CLUL1: variants seen among roughly 807,000 people sequenced by gnomAD.
CLUL1 encodes the protein clusterin like 1.
In CLUL1, 43 loss-of-function variants were observed where a neutral mutation model predicts 49.4. That is an observed-to-expected ratio of 0.87 (90% CI 0.68 to 1.12). The LOEUF (loss-of-function observed/expected upper bound fraction) is 1.12, where lower values mean the gene tolerates loss of function less well. Among genes scored for constraint, CLUL1 ranks in the 50% most tolerant of loss-of-function variants. The pLI is 0.00. For missense variants in CLUL1, 486 were observed against 544.4 expected (o/e 0.89, Z 1.07); for synonymous variants, 192 against 184.9 (o/e 1.04, Z -0.31).
chr18:631,913 G>T (rs546182819), intron 6 of CLUL1, among the ~76,000 whole-genome samples: 1 of 152,292 alleles, frequency 6.6e-6, no homozygotes, highest in South Asian at 2.1e-4. Context: ...ACAGGGCAAA[G>T]AAGAGGGTCC....
intron 4 of CLUL1, among the ~76,000 whole-genome samples, chr18:623,669 A>G (rs1245609643): frequency 2.3e-5 from 3 of 129,002 alleles, no homozygotes; most frequent in African/African-American, 8.3e-5. Flanking sequence ...AAAAAAAAAA[A>G]GATGTAAGAT....
chr18:627,878 C>T (rs930740964), intron 6 of CLUL1, among the ~76,000 whole-genome samples: 1 of 152,060 alleles, frequency 6.6e-6, no homozygotes, highest in African/African-American at 2.4e-5. Flanking sequence ...GCCTGGAGTA[C>T]AGTGGTGTGA....
At chr18:634,288 C>A (rs1014225365) in intron 7 of CLUL1, among the ~76,000 whole-genome samples, 6 of 152,110 alleles carry the variant, frequency 3.9e-5, no homozygotes, top group African/African-American at 1.4e-4. Context: ...TGCCACCACG[C>A]CCGGCTAATT....
At chr18:613,458 ATT>A (rs34283672) in intron 2 of CLUL1, among the ~76,000 whole-genome samples, 3 of 120,788 alleles carry the variant, frequency 2.5e-5, no homozygotes, top group Admixed American at 8.5e-5. Flanking sequence ...TTTAGTCTGA[ATT>A]TTTTTTTTTT....
At chr18:612,426 C>T (rs1035368352) in intron 2 of CLUL1, among the ~76,000 whole-genome samples, 1 of 152,208 alleles carries the variant, frequency 6.6e-6, no homozygotes, top group African/African-American at 2.4e-5. Flanking sequence ...TCTTTCAGGC[C>T]AGCCGGCTTC....
chr18:644,864 G>A (rs1463252609), intron 8 of CLUL1, 46 bp from the exon 9 acceptor site: 2 of 1,438,698 alleles, frequency 1.4e-6, no homozygotes, highest in Non-Finnish European at 1.9e-6. Flanking sequence ...TATTGAATGT[G>A]TATTGGGATT....
rs1346020509 is a variant in CLUL1 at position 618,027 on chromosome 18, T to C, written c.27T>C (p.Ile9=). 1.9e-6 allele frequency: 3 copies of C among 1,614,200 alleles called. No individual in the cohort carries two copies. Among genetic ancestry groups the C allele is most frequent in the South Asian group, 1.1e-5 (1 of 91,080 alleles). The change falls in exon 3 of 10, where the codon ATT becomes ATC. Residue 9 remains isoleucine (I), a synonymous_variant. Coordinates refer to ENST00000692774, the MANE Select transcript of CLUL1 (RefSeq NM_001393344.1). This position sits in a 1 kb window ranked among gnomAD's most constrained non-coding sequence, Gnocchi z 4.2. The part of the protein sequence containing the change: MKPPLLVF[I]VCLLWLKDSH... ...TGAAGCCGCCACTCTTGGTGTTTAT[T>C]GTGTGTCTGCTGTGGTTGAAAGACA... is the stretch of plus-strand genomic sequence containing the variant.
chr18:641,872 A>C (rs376266791), intron 8 of CLUL1, among the ~76,000 whole-genome samples: 2 of 152,190 alleles, frequency 1.3e-5, no homozygotes, highest in African/African-American at 2.4e-5. Flanking sequence ...CTTACAAATA[A>C]AGCAATTTGA....
At chr18:603,037 G>A (rs2072875198) in intron 1 of CLUL1, among the ~76,000 whole-genome samples, 1 of 152,122 alleles carries the variant, frequency 6.6e-6, no homozygotes, top group African/African-American at 2.4e-5. Flanking sequence ...GAGCAAAGAG[G>A]TACATGCTCT....
chr18:644,862 G>A lies in CLUL1; in HGVS notation c.1210-48G>A, dbSNP rs1370835428. ...AGGTGGTATTAAATTACTATTGAAT[G>A]TGTATTGGGATTTAGTAAACTTCTA... On this transcript the variant is annotated intron_variant, in intron 8 of 9. Coordinates refer to ENST00000692774, the MANE Select transcript of CLUL1 (RefSeq NM_001393344.1). The A allele has an allele frequency of 2.8e-6, 4 of 1,409,606 alleles. No homozygotes were observed. The East Asian group carries it at 7.0e-5, about 25-fold the overall frequency. The allele number at this position is 1,409,606 out of a possible 1,614,324, so 87.3% of individuals were successfully genotyped here. A position where few individuals can be genotyped will look rare whatever the true frequency, so the allele number is the denominator to read the frequency against.
At chr18:644,045 C>T (rs1007998244) in intron 8 of CLUL1, among the ~76,000 whole-genome samples, 8 of 152,298 alleles carry the variant, frequency 5.3e-5, no homozygotes, top group African/African-American at 1.9e-4. Flanking sequence ...ATAGCAAGTG[C>T]TGAAGAGAAG....
chr18:645,792 T>TAAAAAAAAAAAAAAAAA (rs869103727), intron 9 of CLUL1, among the ~76,000 whole-genome samples: 1 of 16,090 alleles, frequency 6.2e-5, no homozygotes, highest in Middle Eastern at 0.083. Flanking sequence ...AGACTCTGTT[T>TAAAAAAAAAAAAAAAAA]AAAAAAAAAA....
At chr18:647,205 CTGAGGGTG>C (rs2074533249) in intron 9 of CLUL1, among the ~76,000 whole-genome samples, 2 of 150,340 alleles carry the variant, frequency 1.3e-5, no homozygotes, top group African/African-American at 2.5e-5. Flanking sequence ...CATCTAGGTA[CTGAGGGTG>C]CTGGGAAGTC....
chr18:618,702 T>A lies in CLUL1; in HGVS notation c.107-511T>A, dbSNP rs145555302. ...AGGGAATGACAATGAATTTTAAACT[T>A]ACTAAGGGCTTATTAAAGGTGTATA... is the stretch of plus-strand genomic sequence containing the variant. On this transcript the variant is annotated intron_variant, in intron 3 of 9. Transcript: ENST00000692774. The surrounding 1 kb of genome is among the most constrained non-coding windows in gnomAD (Gnocchi z 4.2). 3.9e-3 allele frequency among the ~76,000 whole-genome samples: 594 copies of A among 152,282 alleles called. 4 individuals are homozygous for A. The highest frequency in any genetic ancestry group is 0.014 in the African/African-American group (563 of 41,552).
At chr18:599,443 A>C (rs1212079426) in intron 1 of CLUL1, among the ~76,000 whole-genome samples, 1 of 152,246 alleles carries the variant, frequency 6.6e-6, no homozygotes, top group East Asian at 1.9e-4. Flanking sequence ...ACAGTAGAAG[A>C]TGCTTAATAA....
At chr18:635,471 AG>A (rs1414693709) in intron 7 of CLUL1, among the ~76,000 whole-genome samples, 3 of 152,168 alleles carry the variant, frequency 2.0e-5, no homozygotes, top group Non-Finnish European at 2.9e-5. Context: ...TCCGTGGCCC[AG>A]GGGTTGGGGA....
chr18:645,109 G>T lies in CLUL1; in HGVS notation c.1397+12G>T, dbSNP rs1246945929. On this transcript the variant is annotated intron_variant, in intron 9 of 9. Coordinates refer to ENST00000692774, the MANE Select transcript of CLUL1 (RefSeq NM_001393344.1). ...CATTTTAAAACCTGGTAAGCAGAGT[G>T]CCTGGTTAGGAATGCCTTGTTGACA... 1 of 1,569,634 alleles carries T rather than the reference G, an allele frequency of 6.4e-7. No homozygotes were observed. The highest frequency in any genetic ancestry group is 8.6e-7 in the Non-Finnish European group (1 of 1,158,764).
At chr18:609,365 T>G (rs1240411771) in intron 2 of CLUL1, among the ~76,000 whole-genome samples, 2 of 152,136 alleles carry the variant, frequency 1.3e-5, no homozygotes, top group African/African-American at 4.8e-5. Flanking sequence ...GACATATATA[T>G]CTGGCATGCT....
intron 8 of CLUL1, among the ~76,000 whole-genome samples, chr18:642,264 C>T (rs11081228): frequency 0.14 from 21,030 of 151,944 alleles, 1,727 homozygotes; most frequent in East Asian, 0.26. Context: ...AACCCCGTCT[C>T]TACCAAAAAC....
Sources: allele counts gnomAD v4.1 joint callset (sites outside exome capture counted in the v4.1 genomes callset), GRCh38; gene constraint gnomAD v4.1.1; non-coding constraint Gnocchi (gnomAD v3.1); transcripts MANE v1.5; gene names NCBI Gene and HGNC (gene_info 2026-07-23, HGNC 2026-07-21).